Variants in TRIQK observed in about 807,000 individuals in gnomAD.
TRIQK encodes triple QxxK/R motif-containing protein.
TRIQK carries 10 observed loss-of-function variants against 10.8 expected under a neutral mutation model. The ratio of observed to expected loss-of-function variants is 0.92; its 90% CI spans 0.57 to 1.57. TRIQK has a LOEUF of 1.57. Ranked by LOEUF, TRIQK falls within the 40% of genes most tolerant of loss-of-function variation. The pLI is 0.00. For synonymous variants in TRIQK, 33 were observed against 33.7 expected (o/e 0.98, Z 0.07); for missense variants, 107 against 97.7 (o/e 1.09, Z -0.40).
At chr8:92,936,448 G>A (rs1207898657) in intron 2 of TRIQK, among the ~76,000 whole-genome samples, 2 of 151,576 alleles carry the variant, frequency 1.3e-5, no homozygotes, top group African/African-American at 2.4e-5. Flanking sequence ...GAGAGAGAAG[G>A]AAGAAAGATA....
At chr8:92,930,038 T>C (rs1056400335) in intron 2 of TRIQK, among the ~76,000 whole-genome samples, 4 of 151,694 alleles carry the variant, frequency 2.6e-5, no homozygotes, top group South Asian at 2.1e-4. Flanking sequence ...CCCTAGAACT[T>C]ACAGTATAAT....
chr8:92,933,149 T>C (rs1158296863), intron 2 of TRIQK, among the ~76,000 whole-genome samples: 2 of 152,102 alleles, frequency 1.3e-5, no homozygotes, highest in African/African-American at 2.4e-5. Context: ...GTACTTCCAA[T>C]TTCCAATCCA....
upstream of TRIQK, among the ~76,000 whole-genome samples, chr8:92,966,385 A>C (rs1052160772): frequency 3.3e-5 from 5 of 151,678 alleles, no homozygotes; most frequent in African/African-American, 1.2e-4. Flanking sequence ...TGATTATTGA[A>C]CCCTCCCATC....
intron 1 of TRIQK, among the ~76,000 whole-genome samples, chr8:92,996,640 T>C (rs1813155715): frequency 6.6e-6 from 1 of 152,024 alleles, no homozygotes; most frequent in Non-Finnish European, 1.5e-5. Flanking sequence ...TGGTTATCTA[T>C]TAATATTGAA....
chr8:92,928,851 T>C (rs1005348522), intron 2 of TRIQK, among the ~76,000 whole-genome samples: 1 of 152,146 alleles, frequency 6.6e-6, no homozygotes, highest in South Asian at 2.1e-4. Context: ...AAGGATTTAG[T>C]GCAGTGAGGT....
chr8:92,943,158 T>C (rs910518190), intron 2 of TRIQK, among the ~76,000 whole-genome samples: 1 of 151,610 alleles, frequency 6.6e-6, no homozygotes, highest in Non-Finnish European at 1.5e-5. Flanking sequence ...TTTTAAAAAC[T>C]GATTAAAAAA....
At chr8:92,888,998 G>A (rs1816624918) in intron 4 of TRIQK, among the ~76,000 whole-genome samples, 1 of 151,576 alleles carries the variant, frequency 6.6e-6, no homozygotes, top group South Asian at 2.1e-4. Context: ...AGCAAACTTA[G>A]TTGTGCAAAC....
At chr8:93,014,456 A>C (rs931770461) in intron 1 of TRIQK, among the ~76,000 whole-genome samples, 1 of 152,100 alleles carries the variant, frequency 6.6e-6, no homozygotes, top group African/African-American at 2.4e-5. Context: ...AGCATTTTTG[A>C]AGAACAAAAC....
At chr8:92,960,642 C>G (rs892693234) in intron 1 of TRIQK, 1 of 152,144 alleles carries the variant, frequency 6.6e-6, no homozygotes. Context: ...CAAAATAAGT[C>G]AGATTGCTGC....
At chr8:93,008,415 T>C (rs971837102) in intron 1 of TRIQK, among the ~76,000 whole-genome samples, 1 of 152,202 alleles carries the variant, frequency 6.6e-6, no homozygotes, top group Non-Finnish European at 1.5e-5. Context: ...CAAAGTCATC[T>C]ACATATTCAA....
chr8:93,016,611 T>C (rs1379630239), intron 1 of TRIQK, among the ~76,000 whole-genome samples: 2 of 152,226 alleles, frequency 1.3e-5, no homozygotes, highest in Non-Finnish European at 2.9e-5. Context: ...ATTTTTAAAA[T>C]GTGGATCCTT....
At chr8:92,892,195 TC>T in intron 3 of TRIQK, 121 bp from the exon 4 acceptor site, 1 of 656,514 alleles carries the variant, frequency 1.5e-6, no homozygotes, top group Non-Finnish European at 2.4e-6. Context: ...GCAAAGTAGT[TC>T]CCAGTTGTGG....
chr8:92,951,883 G>A (rs1252285554), intron 2 of TRIQK, among the ~76,000 whole-genome samples: 5 of 152,018 alleles, frequency 3.3e-5, no homozygotes, highest in Admixed American at 1.3e-4. Context: ...CACTAAAGGA[G>A]GGGAAAACAC....
chr8:92,951,633 C>T (rs1482531136), intron 2 of TRIQK, among the ~76,000 whole-genome samples: 1 of 152,126 alleles, frequency 6.6e-6, no homozygotes, highest in African/African-American at 2.4e-5. Context: ...ACTAGCTTCT[C>T]ACAGTAAATA....
In TRIQK at chr8:92,885,071, T is replaced by A. The variant is rs1816403405; in HGVS notation, c.*1551A>T. ...TGGTCTGTCTCTTGAGTCTGTGAGT[T>A]CAAAGGGAAGAATCTAGTAAATAAC... is the stretch of plus-strand genomic sequence containing the variant. On this transcript the variant is annotated 3_prime_UTR_variant, in exon 5 of 5. Coordinates refer to ENST00000521988, the MANE Select transcript of TRIQK (RefSeq NM_001171797.2). 1 of 448,038 alleles carries A rather than the reference T, an allele frequency of 2.2e-6. No homozygotes were observed. The highest frequency in any genetic ancestry group is 1.6e-5 in the South Asian group (1 of 64,216). The allele number at this position is 448,038 out of a possible 1,614,324, so 27.8% of individuals were successfully genotyped here.
intron 2 of TRIQK, among the ~76,000 whole-genome samples, chr8:92,924,501 A>G (rs1195083539): frequency 1.3e-5 from 2 of 151,994 alleles, no homozygotes; most frequent in Non-Finnish European, 2.9e-5. Context: ...ATGTCTTTTC[A>G]ATACATCCCC....
At chr8:92,985,355 T>A (rs1277664835) in intron 1 of TRIQK, among the ~76,000 whole-genome samples, 1 of 152,176 alleles carries the variant, frequency 6.6e-6, no homozygotes, top group East Asian at 1.9e-4. Flanking sequence ...AACTTCTCCT[T>A]TCCTCATGAA....
chr8:92,987,831 G>T (rs1813051819), intron 1 of TRIQK, among the ~76,000 whole-genome samples: 1 of 151,800 alleles, frequency 6.6e-6, no homozygotes, highest in Admixed American at 6.6e-5. Flanking sequence ...AAAAATTCAA[G>T]CTAATAAACA....
chr8:93,009,462 A>T (rs1813307325), intron 1 of TRIQK, among the ~76,000 whole-genome samples: 1 of 152,130 alleles, frequency 6.6e-6, no homozygotes, highest in South Asian at 2.1e-4. Context: ...TACAAAAATT[A>T]TCCAGGCATA....
Sources: allele counts gnomAD v4.1 joint callset (sites outside exome capture counted in the v4.1 genomes callset), GRCh38; gene constraint gnomAD v4.1.1; transcripts MANE v1.5; gene names NCBI Gene and HGNC (gene_info 2026-07-23, HGNC 2026-07-21).